USP25: variants seen among roughly 807,000 people sequenced by gnomAD.
The protein encoded by USP25 is ubiquitin carboxyl-terminal hydrolase 25.
In USP25, 85 loss-of-function variants were observed where a neutral mutation model predicts 158.5. The ratio of observed to expected loss-of-function variants is 0.54; its 90% confidence interval spans 0.45 to 0.64. USP25 has a LOEUF of 0.64. USP25 is among the 30% of genes least tolerant of loss of function. USP25 has a pLI of 0.00. For missense variants in USP25, 1,242 were observed against 1,327.3 expected (o/e 0.94, Z 1.00); for synonymous variants, 464 against 460.4 (o/e 1.01, Z -0.10).
chr21:15,786,664 A>G (rs563543069), intron 4 of USP25, among the ~76,000 whole-genome samples: 1 of 152,182 alleles, frequency 6.6e-6, no homozygotes, highest in East Asian at 1.9e-4. Context: ...AGCTAGTAGT[A>G]TACTGAATGC....
intron 9 of USP25, among the ~76,000 whole-genome samples, chr21:15,817,096 A>G (rs750451151): frequency 6.6e-6 from 1 of 151,734 alleles, no homozygotes; most frequent in Non-Finnish European, 1.5e-5. Context: ...CACACCACTG[A>G]GCTCCAGACT....
chr21:15,815,873 G>T (rs1033251116), intron 9 of USP25, among the ~76,000 whole-genome samples: 1 of 152,190 alleles, frequency 6.6e-6, no homozygotes, highest in East Asian at 1.9e-4. Context: ...TTACAGGCTT[G>T]TAGGCGGAAG....
intron 3 of USP25, among the ~76,000 whole-genome samples, chr21:15,768,228 A>C (rs1307839406): frequency 6.6e-6 from 1 of 152,092 alleles, no homozygotes; most frequent in East Asian, 1.9e-4. Context: ...AATATGTATC[A>C]AGTGCTTTCC....
intron 3 of USP25, among the ~76,000 whole-genome samples, chr21:15,777,121 C>A (rs542333870): frequency 3.3e-5 from 5 of 152,128 alleles, no homozygotes; most frequent in African/African-American, 9.6e-5. Context: ...TTATTGAAGG[C>A]GGTATTAGTT....
chr21:15,779,786 T>C (rs1328118987), intron 4 of USP25, among the ~76,000 whole-genome samples: 2 of 152,024 alleles, frequency 1.3e-5, no homozygotes, highest in Admixed American at 6.5e-5. Flanking sequence ...TTGGTAGATA[T>C]TATTATTGTA....
chr21:15,841,313 C>G (rs2038322532), intron 17 of USP25, among the ~76,000 whole-genome samples: 1 of 152,120 alleles, frequency 6.6e-6, no homozygotes, highest in Admixed American at 6.6e-5. Flanking sequence ...TCATGTTGCT[C>G]TACTGCCTTC....
At chr21:15,765,259 G>A (rs1487532263) in intron 2 of USP25, among the ~76,000 whole-genome samples, 2 of 152,066 alleles carry the variant, frequency 1.3e-5, no homozygotes, top group Admixed American at 1.3e-4. Context: ...CTTGCTGTCA[G>A]TTGTGCAGAG....
chr21:15,834,389 A>G (rs1458696327), intron 17 of USP25, among the ~76,000 whole-genome samples: 1 of 152,162 alleles, frequency 6.6e-6, no homozygotes, highest in Non-Finnish European at 1.5e-5. Context: ...ATTTTCCTCA[A>G]ACTCATTTGT....
chr21:15,773,870 A>G (rs909688228), intron 3 of USP25, among the ~76,000 whole-genome samples: 20 of 152,214 alleles, frequency 1.3e-4, no homozygotes, highest in African/African-American at 4.6e-4. Flanking sequence ...TTAGAAGATT[A>G]CGTTGCTTTA....
At chr21:15,763,811 C>T (rs981615863) in intron 2 of USP25, among the ~76,000 whole-genome samples, 3 of 152,042 alleles carry the variant, frequency 2.0e-5, no homozygotes, top group Non-Finnish European at 4.4e-5. Context: ...TTAGTACTAC[C>T]AGGCAGTATT....
At chr21:15,808,253 G>A (rs2036488407) in intron 7 of USP25, among the ~76,000 whole-genome samples, 1 of 152,136 alleles carries the variant, frequency 6.6e-6, no homozygotes. Flanking sequence ...GTTTTTCCGT[G>A]TTGGGAGAGC....
rs761776927 is a variant in USP25, at chr21:15,766,180, A to G, written c.268+39A>G. On this transcript the variant is annotated intron_variant, in intron 3 of 25. Coordinates refer to ENST00000400183, the MANE Select transcript of USP25 (RefSeq NM_001283041.3). The surrounding 1 kb of genome is among the most constrained non-coding windows in gnomAD (Gnocchi z 4.0). ...CTTTTCTTATTATTTTAATAGAAAC[A>G]TACTGAAAAACTTTTCTTGGTGTAA... The G allele has an allele frequency of 1.9e-6, 3 of 1,550,184 alleles. No individual in the cohort carries two copies. In the Admixed American group the frequency reaches 6.0e-5, roughly 31 times the overall value.
intron 10 of USP25, among the ~76,000 whole-genome samples, chr21:15,821,781 G>T (rs1318471467): frequency 6.6e-6 from 1 of 151,722 alleles, no homozygotes; most frequent in Non-Finnish European, 1.5e-5. Context: ...TTTTTCTGTT[G>T]TTTTTTTCTC....
In USP25 at chr21:15,730,365, C is replaced by T. The variant is rs1394400143; in HGVS notation, c.-29C>T. 6.0e-5 allele frequency: 65 copies of T among 1,083,852 alleles called. No homozygotes were observed. Among genetic ancestry groups the T allele is most frequent in the Non-Finnish European group, 1.1e-6 (1 of 898,922 alleles). The allele number at this position is 1,083,852 out of a possible 1,614,324, so 67.1% of individuals were successfully genotyped here. On this transcript the variant is annotated 5_prime_UTR_variant, in exon 1 of 26. Coordinates refer to ENST00000400183, the MANE Select transcript of USP25 (RefSeq NM_001283041.3). ...AGGCGCGAGGAGCCGGGCGCCACCG[C>T]CGCCGCCGCCGCCGCCGCCGCGGGG...
In USP25 at chr21:15,831,611, G is replaced by T. The variant is rs140677270; in HGVS notation, c.1975G>T (p.Ala659Ser). ...AYCLMYINDK[A>S]QFLIQEEFNK... is the part of the protein sequence containing the mutation. ...CTGTTTAATGTACATAAATGATAAG[G>T]CACAGTTCCTAATACAAGGTAAGAA... is the stretch of plus-strand genomic sequence containing the variant. Residue 659 changes from alanine (A) to serine (S), a missense_variant, in exon 16 of 26, where the codon GCA becomes TCA. By Grantham distance (99) the Ala-to-Ser change is moderately conservative (BLOSUM62 1). Coordinates refer to ENST00000400183, the MANE Select transcript of USP25 (RefSeq NM_001283041.3). 2 of 1,613,222 alleles carry T rather than the reference G, an allele frequency of 1.2e-6. No homozygotes were observed. Among genetic ancestry groups the T allele is most frequent in the African/African-American group, 2.7e-5 (2 of 74,870 alleles).
In USP25 at chr21:15,864,345, T is replaced by A. The variant is rs758518360; in HGVS notation, c.2625T>A (p.His875Gln). Reference protein sequence around the residue: ...DTPPETDYRLHHVVVYFIQNQ... With the variant: ...DTPPETDYRLQHVVVYFIQNQ... ...CACCAGAAACCGATTATCGTTTACATCATGTAGTGGTCTACTTTATCCAGA... is the reference window on the plus strand; with the variant it reads ...CACCAGAAACCGATTATCGTTTACAACATGTAGTGGTCTACTTTATCCAGA... The change falls in exon 21 of 26, where the codon CAT becomes CAA. Residue 875 changes from histidine to glutamine, a missense_variant. Transcript: ENST00000400183. 1.9e-6 allele frequency: 3 copies of A among 1,613,574 alleles called. No homozygotes were observed. Among genetic ancestry groups the A allele is most frequent in the South Asian group, 2.2e-5 (2 of 90,978 alleles).
At chr21:15,848,799 G>GCAGGTGT (rs1431088340) in intron 19 of USP25, among the ~76,000 whole-genome samples, 1 of 152,074 alleles carries the variant, frequency 6.6e-6, no homozygotes, top group Non-Finnish European at 1.5e-5. Flanking sequence ...GTTTTCTCAA[G>GCAGGTGT]CAGGTGTTAG....
At chr21:15,846,216 G>T (rs1330646710) in intron 18 of USP25, among the ~76,000 whole-genome samples, 1 of 131,888 alleles carries the variant, frequency 7.6e-6, no homozygotes, top group Non-Finnish European at 1.6e-5. Context: ...AGGCTGGAGT[G>T]CAGTGGTGCA....
At chr21:15,799,325 A>C (rs1230292054) in intron 5 of USP25, among the ~76,000 whole-genome samples, 4 of 151,194 alleles carry the variant, frequency 2.6e-5, no homozygotes, top group Non-Finnish European at 4.5e-5. Flanking sequence ...GATAATATGT[A>C]ATTTCTTTGT....
Sources: allele counts gnomAD v4.1 joint callset (sites outside exome capture counted in the v4.1 genomes callset), GRCh38; gene constraint gnomAD v4.1.1; non-coding constraint Gnocchi (gnomAD v3.1); transcripts MANE v1.5; gene names NCBI Gene and HGNC (gene_info 2026-07-23, HGNC 2026-07-21).